Variants in KIAA0586 observed in about 807,000 individuals in gnomAD.
The protein encoded by KIAA0586 is KIAA0586.
KIAA0586 carries 144 observed loss-of-function variants against 169.8 expected under a neutral mutation model. The observed-to-expected ratio is 0.85, with a 90% confidence interval of 0.74 to 0.97. The LOEUF (loss-of-function observed/expected upper bound fraction) is 0.97. Among genes scored for constraint, KIAA0586 ranks in the 50% least tolerant of loss-of-function variants. The pLI is 0.00. For missense variants in KIAA0586, 1,854 were observed against 1,823.0 expected (o/e 1.02, Z -0.31); for synonymous variants, 625 against 612.4 (o/e 1.02, Z -0.30).
rs2044165528 is a variant in KIAA0586 at position 58,508,571 on chromosome 14, T to C, written c.4185T>C (p.Asp1395=). 5.0e-6 allele frequency: 8 copies of C among 1,589,828 alleles called. No individual in the cohort carries two copies. The highest frequency in any genetic ancestry group is 1.8e-5 in the Admixed American group (1 of 56,502). The stretch of plus-strand genomic sequence containing the variant: ...TGATAACAGGTAGTATTTATGAAGA[T>C]TCATGTGCTAGTCATGGTCCAATGA... The part of the protein sequence containing the change: ...FDTVSGSIYE[D]SCASHGPMSL... Residue 1395 remains aspartate (D), a synonymous_variant, in exon 28 of 31, where the codon GAT becomes GAC. Transcript: ENST00000652326.
In KIAA0586 at chr14:58,457,996, A is replaced by G. The variant is rs779618515; in HGVS notation, c.1583+17A>G. 9 of 1,510,892 alleles carry G rather than the reference A, an allele frequency of 6.0e-6. No homozygotes were observed. Among genetic ancestry groups the G allele is most frequent in the Non-Finnish European group, 7.2e-6 (8 of 1,106,438 alleles). 93.6% of individuals were successfully genotyped at this position (1,510,892 alleles called of 1,614,324 possible). Reference sequence around the variant, plus strand: ...TACCAACAGGTAAGAGGATGTTGGCATCCAGGGTTATTTATGAGTCTGTCA... The same window carrying G: ...TACCAACAGGTAAGAGGATGTTGGCGTCCAGGGTTATTTATGAGTCTGTCA... On this transcript the variant is annotated intron_variant, in intron 11 of 30. Coordinates refer to ENST00000652326, the MANE Select transcript of KIAA0586 (RefSeq NM_001329943.3).
chr14:58,533,524 G>A (rs1306621878), intron 29 of KIAA0586, among the ~76,000 whole-genome samples: 1 of 152,018 alleles, frequency 6.6e-6, no homozygotes, highest in African/African-American at 2.4e-5. Context: ...CTGGGGCAGG[G>A]GCCTGACTTT....
At chr14:58,541,634 A>G (rs2046640262) in intron 30 of KIAA0586, among the ~76,000 whole-genome samples, 2 of 152,274 alleles carry the variant, frequency 1.3e-5, no homozygotes, top group African/African-American at 2.4e-5. Context: ...AGAATAAATT[A>G]TAGTTTTTCT....
Position 58,487,512 on chromosome 14 carries a change from A to G in KIAA0586, c.3304+346A>G, listed in dbSNP as rs1238371416. ...TCCCAGCTACTCAGGAGGCTGAGGT[A>G]GAAGAATTGCTTGAACCCGGGAGGC... is the stretch of plus-strand genomic sequence containing the variant. On this transcript the variant is annotated intron_variant, in intron 22 of 30. Transcript: ENST00000652326. 2.0e-5 allele frequency among the ~76,000 whole-genome samples: 3 copies of G among 152,038 alleles called. No homozygotes were observed. In the South Asian group the frequency reaches 6.2e-4, roughly 32 times the overall value.
intron 20 of KIAA0586, among the ~76,000 whole-genome samples, chr14:58,480,245 A>G (rs1277121589): frequency 6.6e-6 from 1 of 151,070 alleles, no homozygotes; most frequent in Non-Finnish European, 1.5e-5. Flanking sequence ...TCCTTGTTTT[A>G]CTGTATGGCT....
At chr14:58,532,713 G>A (rs982860441) in intron 29 of KIAA0586, among the ~76,000 whole-genome samples, 2 of 152,100 alleles carry the variant, frequency 1.3e-5, no homozygotes, top group African/African-American at 4.8e-5. Context: ...TAAAAATGGT[G>A]ATTCCAAATT....
At chr14:58,533,221 G>T (rs2046089304) in intron 29 of KIAA0586, among the ~76,000 whole-genome samples, 1 of 151,868 alleles carries the variant, frequency 6.6e-6, no homozygotes, top group Non-Finnish European at 1.5e-5. Flanking sequence ...TAATTACTGT[G>T]TCAGCATGAT....
chr14:58,449,708 A>G (rs1002835287), intron 7 of KIAA0586, among the ~76,000 whole-genome samples: 4 of 152,178 alleles, frequency 2.6e-5, no homozygotes, highest in Non-Finnish European at 4.4e-5. Flanking sequence ...AGTATGACCC[A>G]GCTGAGTGCC....
Position 58,522,852 on chromosome 14 carries a change from A to G in KIAA0586, c.4429+10225A>G, listed in dbSNP as rs189290297. 2.6e-5 allele frequency among the ~76,000 whole-genome samples: 4 copies of G among 152,270 alleles called. No homozygotes were observed. In the South Asian group the frequency reaches 6.2e-4, roughly 24 times the overall value. On this transcript the variant is annotated intron_variant, in intron 29 of 30. Coordinates refer to ENST00000652326, the MANE Select transcript of KIAA0586 (RefSeq NM_001329943.3). ...TTAGGTCAACTTGCAGATTGTTTTT[A>G]TGTATATACATTTCTTACATTTTAT...
chr14:58,443,842 C>T, intron 5 of KIAA0586, 112 bp from the exon 6 acceptor site: 1 of 677,136 alleles, frequency 1.5e-6, no homozygotes, highest in Non-Finnish European at 2.5e-6. Flanking sequence ...TGGGTAAAGG[C>T]TCAAATTAGA....
chr14:58,467,862 T>C lies in KIAA0586; in HGVS notation c.2382T>C (p.Pro794=), dbSNP rs1335966023. The change falls in exon 16 of 31, where the codon CCT becomes CCC. Residue 794 remains proline, a synonymous_variant. Transcript: ENST00000652326. ...AAGTAGAAACTGGAGTAAAGAAACC[T>C]AACATAGCCATTGTAGAAATGAAGT... ...SRKVETGVKK[P]NIAIVEMKSE... is the part of the protein sequence containing the mutation. 1 of 1,613,668 alleles carries C rather than the reference T, an allele frequency of 6.2e-7. No individual in the cohort carries two copies. The highest frequency in any genetic ancestry group is 1.3e-5 in the African/African-American group (1 of 74,896).
intron 22 of KIAA0586, among the ~76,000 whole-genome samples, chr14:58,487,568 T>C (rs1446849612): frequency 6.6e-6 from 1 of 151,076 alleles, no homozygotes; most frequent in Non-Finnish European, 1.5e-5. Flanking sequence ...ATCGCACCAT[T>C]GCACTCCACC....
chr14:58,507,424 T>C (rs1284128141), intron 27 of KIAA0586, among the ~76,000 whole-genome samples: 1 of 149,198 alleles, frequency 6.7e-6, no homozygotes, highest in Non-Finnish European at 1.5e-5. Context: ...TATTTAAAAC[T>C]TAATTTGCAT....
intron 18 of KIAA0586, 114 bp downstream of exon 18, chr14:58,472,393 A>G: frequency 2.1e-6 from 1 of 481,716 alleles, no homozygotes; most frequent in Admixed American, 4.3e-5. Context: ...ACTTTCTTTT[A>G]CTTTTGAGTT....
chr14:58,483,566 G>GC (rs2042177971), intron 21 of KIAA0586, among the ~76,000 whole-genome samples: 1 of 150,916 alleles, frequency 6.6e-6, no homozygotes, highest in South Asian at 2.1e-4. Context: ...ATCCTTTACA[G>GC]TTTTTTTTTA....
chr14:58,552,524 ATGG>A (rs1836215334), downstream of KIAA0586, among the ~76,000 whole-genome samples: 1 of 152,192 alleles, frequency 6.6e-6, no homozygotes, highest in South Asian at 2.1e-4. Flanking sequence ...TATAGTATGA[ATGG>A]TGACATTTAT....
chr14:58,512,531 A>C lies in KIAA0586; in HGVS notation c.4333A>C (p.Lys1445Gln). Residue 1445 changes from lysine (K) to glutamine (Q), a missense_variant, in exon 29 of 31, where the codon AAG becomes CAG. Transcript: ENST00000652326. ...ATCTTAAATTATTTAGTACCAACTA[A>C]AGCAAAATCAGGATGTTAAGCAAGT... ...AAEDFSQYQL[K>Q]QNQDVKQVEH... 6.6e-7 allele frequency: 1 copy of C among 1,521,692 alleles called. No individual in the cohort carries two copies. Among genetic ancestry groups the C allele is most frequent in the Non-Finnish European group, 8.8e-7 (1 of 1,139,956 alleles). The allele number at this position is 1,521,692 out of a possible 1,614,324, so 94.3% of individuals were successfully genotyped here. A position where few individuals can be genotyped will look rare whatever the true frequency, so the allele number is the denominator to read the frequency against.
chr14:58,494,812 C>T (rs2043058023), intron 26 of KIAA0586, among the ~76,000 whole-genome samples: 1 of 152,146 alleles, frequency 6.6e-6, no homozygotes, highest in Non-Finnish European at 1.5e-5. Context: ...TAGTTGTCAC[C>T]ATAGCTAGGC....
intron 26 of KIAA0586, among the ~76,000 whole-genome samples, chr14:58,496,774 C>T (rs2043184474): frequency 6.6e-6 from 1 of 152,062 alleles, no homozygotes; most frequent in Non-Finnish European, 1.5e-5. Flanking sequence ...TGAAATTAAA[C>T]CCCTTTTAAA....
Sources: allele counts gnomAD v4.1 joint callset (sites outside exome capture counted in the v4.1 genomes callset), GRCh38; gene constraint gnomAD v4.1.1; transcripts MANE v1.5; gene names NCBI Gene and HGNC (gene_info 2026-07-23, HGNC 2026-07-21).